Variants in GABBR2 observed in about 807,000 individuals in gnomAD.
GABBR2 encodes the protein G-protein coupled receptor 51.
Under a neutral mutation model 105.6 loss-of-function variants are expected in GABBR2, and 23 were observed. The ratio of observed to expected loss-of-function variants is 0.22; its 90% CI spans 0.16 to 0.31. The LOEUF is 0.31. GABBR2 is among the 10% of genes least tolerant of loss of function. The pLI is 1.00. For synonymous variants in GABBR2, 478 were observed against 499.7 expected (o/e 0.96, Z 0.58); for missense variants, 734 against 1,245.5 (o/e 0.59, Z 6.18).
At chr9:98,549,772 T>C (rs61233819) in intron 2 of GABBR2, among the ~76,000 whole-genome samples, 11,511 of 152,256 alleles carry the variant, frequency 0.076, 839 homozygotes, top group African/African-American at 0.19. Context: ...GAGCACATCC[T>C]GGCCCACAGA....
chr9:98,582,537 A>G (rs1829016551), intron 1 of GABBR2, among the ~76,000 whole-genome samples: 1 of 152,232 alleles, frequency 6.6e-6, no homozygotes, highest in African/African-American at 2.4e-5. Context: ...CAGACAATAA[A>G]TAGGTGTGGT....
chr9:98,412,476 T>G (rs1564057655), intron 7 of GABBR2, among the ~76,000 whole-genome samples: 1 of 152,206 alleles, frequency 6.6e-6, no homozygotes, highest in Non-Finnish European at 1.5e-5. Context: ...CACATCACAC[T>G]GGCAGGAAAA....
At chr9:98,521,860 A>C (rs899267819) in intron 3 of GABBR2, among the ~76,000 whole-genome samples, 3 of 152,238 alleles carry the variant, frequency 2.0e-5, no homozygotes, top group Non-Finnish European at 4.4e-5. Flanking sequence ...GAACCTATGA[A>C]AACTTTCTGA....
Position 98,398,171 on chromosome 9 carries a change from C to T in GABBR2, c.1298-3916G>A, listed in dbSNP as rs140800527. 1.3e-3 allele frequency among the ~76,000 whole-genome samples: 203 copies of T among 152,236 alleles called. 1 individual carries two copies. Among genetic ancestry groups the T allele is most frequent in the African/African-American group, 4.7e-3 (195 of 41,522 alleles). ...TTGTCTTCTCACTTGGTTCTGGCTC[C>T]AAATTGGGGGAGCCAGAATGTGTCC... On this transcript the variant is annotated intron_variant, in intron 8 of 18. Coordinates refer to ENST00000259455, the MANE Select transcript of GABBR2 (RefSeq NM_005458.8).
At chr9:98,606,689 A>T (rs369942399) in intron 1 of GABBR2, 6 of 201,200 alleles carry the variant, frequency 3.0e-5, no homozygotes, top group Middle Eastern at 2.1e-3. Context: ...CATGTTGGTC[A>T]GGCTGGTCTC....
At chr9:98,619,809 T>G (rs1306178732) in intron 1 of GABBR2, among the ~76,000 whole-genome samples, 1 of 152,166 alleles carries the variant, frequency 6.6e-6, no homozygotes, top group Non-Finnish European at 1.5e-5. Context: ...AATTTCTGTA[T>G]GCACCTCCAT....
At chr9:98,546,045 G>A (rs1828394749) in intron 2 of GABBR2, among the ~76,000 whole-genome samples, 1 of 152,040 alleles carries the variant, frequency 6.6e-6, no homozygotes, top group South Asian at 2.1e-4. Context: ...TTAATTTCTA[G>A]TTTTCTTATA....
At chr9:98,627,023 G>C (rs1460848686) in intron 1 of GABBR2, among the ~76,000 whole-genome samples, 1 of 152,170 alleles carries the variant, frequency 6.6e-6, no homozygotes, top group Non-Finnish European at 1.5e-5. Context: ...GAGAACCTTG[G>C]ATGCTTTTCA....
chr9:98,700,205 G>C (rs1402995669), intron 1 of GABBR2, among the ~76,000 whole-genome samples: 3 of 152,224 alleles, frequency 2.0e-5, no homozygotes, highest in Non-Finnish European at 4.4e-5. Flanking sequence ...GCCTAGAATA[G>C]GGCCAGGTGT....
chr9:98,319,781 G>A (rs1195738685), intron 13 of GABBR2, among the ~76,000 whole-genome samples: 2 of 152,144 alleles, frequency 1.3e-5, no homozygotes, highest in African/African-American at 4.8e-5. Flanking sequence ...ACTAGCAGCT[G>A]TTTTGGCAGC....
At chr9:98,588,020 G>GT (rs983039979) in intron 1 of GABBR2, among the ~76,000 whole-genome samples, 2 of 152,256 alleles carry the variant, frequency 1.3e-5, no homozygotes, top group South Asian at 2.1e-4. Context: ...GATTTCAGTG[G>GT]TTTTTTGTTA....
chr9:98,668,222 G>C (rs1459565375), intron 1 of GABBR2, among the ~76,000 whole-genome samples: 4 of 129,802 alleles, frequency 3.1e-5, no homozygotes, highest in Non-Finnish European at 6.5e-5. Context: ...CTCCATCTCA[G>C]AGTCTTTTTC....
intron 1 of GABBR2, among the ~76,000 whole-genome samples, chr9:98,582,637 T>C (rs967255121): frequency 6.6e-6 from 1 of 152,224 alleles, no homozygotes; most frequent in Admixed American, 6.5e-5. Context: ...TGACACAGTA[T>C]GGTTTTCCTT....
At chr9:98,548,272 C>T (rs76062524) in intron 2 of GABBR2, among the ~76,000 whole-genome samples, 1,772 of 121,322 alleles carry the variant, frequency 0.015, 321 homozygotes, top group African/African-American at 0.044. Context: ...ATTGCATATA[C>T]TTCTCAGAAG....
intron 7 of GABBR2, among the ~76,000 whole-genome samples, chr9:98,421,316 C>T (rs1297806317): frequency 6.7e-6 from 1 of 148,320 alleles, no homozygotes; most frequent in South Asian, 2.1e-4. Context: ...TAAAAATCGA[C>T]GAGGAACAGG....
intron 13 of GABBR2, among the ~76,000 whole-genome samples, chr9:98,331,763 G>A (rs1390972997): frequency 6.6e-6 from 1 of 152,222 alleles, no homozygotes. Context: ...GTGAGTGTGG[G>A]TGGGGCAGAG....
intron 17 of GABBR2, among the ~76,000 whole-genome samples, chr9:98,294,213 A>G (rs2131336759): frequency 6.6e-6 from 1 of 152,332 alleles, no homozygotes; most frequent in Admixed American, 6.5e-5. Flanking sequence ...TAGAAACAAG[A>G]GGTTCTAACA....
intron 13 of GABBR2, among the ~76,000 whole-genome samples, chr9:98,334,420 G>A (rs1229272350): frequency 2.6e-5 from 4 of 152,190 alleles, no homozygotes; most frequent in South Asian, 4.1e-4. Flanking sequence ...GTTCTCATGC[G>A]TAGCAAGCAA....
chr9:98,591,990 T>C (rs1444607577), intron 1 of GABBR2, among the ~76,000 whole-genome samples: 2 of 152,178 alleles, frequency 1.3e-5, no homozygotes, highest in African/African-American at 2.4e-5. Flanking sequence ...CCAGGAAAAG[T>C]TGATTCCTCT....
Sources: allele counts gnomAD v4.1 joint callset (sites outside exome capture counted in the v4.1 genomes callset), GRCh38; gene constraint gnomAD v4.1.1; transcripts MANE v1.5; gene names NCBI Gene and HGNC (gene_info 2026-07-23, HGNC 2026-07-21).